MTMR2: variants seen among roughly 807,000 people sequenced by gnomAD.
MTMR2 encodes phosphatidylinositol-3,5-bisphosphate 3-phosphatase MTMR2.
In MTMR2, 55 loss-of-function variants were observed where a neutral mutation model predicts 86.9. That is an observed-to-expected ratio of 0.63 (90% CI 0.51 to 0.79). The LOEUF (loss-of-function observed/expected upper bound fraction) is 0.79. Ranked by LOEUF, MTMR2 falls within the 30% of genes least tolerant of loss-of-function variation. The probability of loss-of-function intolerance (pLI) is 0.00; values close to 1 mark genes in which losing one functional copy is unlikely to be tolerated. For missense variants in MTMR2, 659 were observed against 772.3 expected (o/e 0.85, Z 1.74); for synonymous variants, 241 against 266.8 (o/e 0.90, Z 0.94).
At position 95,835,412 on chromosome 11, in the gene MTMR2, G is replaced by T. The variant is rs138746296; in HGVS notation, c.1810C>A (p.Arg604=). ...TCTACTTTTTTCTGAAGCTCTGCTC[G>T]TTTAGCAAGAAGTTCTTTGTATCTG... ...HNRYKELLAK[R]AELQKKVEEL... Residue 604 remains arginine, a synonymous_variant, in exon 15 of 15, where the codon CGA becomes AGA. Transcript: ENST00000346299. 1.1e-5 allele frequency: 18 copies of T among 1,613,084 alleles called. No homozygotes were observed. The African/African-American group carries it at 2.0e-4, about 18-fold the overall frequency.
chr11:95,906,829 T>G (rs1468774439), intron 1 of MTMR2, among the ~76,000 whole-genome samples: 1 of 152,106 alleles, frequency 6.6e-6, no homozygotes, highest in Non-Finnish European at 1.5e-5. Context: ...TTAAAACTAA[T>G]GAGAACAAAG....
At chr11:95,836,375 A>G in intron 13 of MTMR2, 51 bp from the exon 14 acceptor site, 2 of 1,510,866 alleles carry the variant, frequency 1.3e-6, no homozygotes, top group Non-Finnish European at 1.8e-6. Flanking sequence ...AGCCATTTAC[A>G]CTTTAGATGA....
chr11:95,841,538 T>G (rs1248356152), intron 12 of MTMR2, 79 bp downstream of exon 12: 3 of 985,114 alleles, frequency 3.0e-6, no homozygotes, highest in Non-Finnish European at 3.3e-6. Flanking sequence ...ATCTATAGGC[T>G]AATCAGTGAC....
At chr11:95,849,392 T>C (rs779921277) in intron 9 of MTMR2, among the ~76,000 whole-genome samples, 1 of 152,186 alleles carries the variant, frequency 6.6e-6, no homozygotes, top group Non-Finnish European at 1.5e-5. Context: ...CACCTAGTTA[T>C]TATGTAAGTA....
At chr11:95,861,868 A>C in intron 5 of MTMR2, 124 bp downstream of exon 5, 1 of 791,590 alleles carries the variant, frequency 1.3e-6, no homozygotes, top group Non-Finnish European at 2.1e-6. Flanking sequence ...TCAATGTCAT[A>C]CTAAAATAAC....
chr11:95,897,924 C>G (rs1251418077), intron 1 of MTMR2, among the ~76,000 whole-genome samples: 1 of 152,140 alleles, frequency 6.6e-6, no homozygotes, highest in Non-Finnish European at 1.5e-5. Flanking sequence ...AACTTTGTGA[C>G]CTCGGCACAC....
intron 9 of MTMR2, 48 bp from the exon 10 acceptor site, chr11:95,847,947 G>C: frequency 4.6e-6 from 7 of 1,507,692 alleles, no homozygotes; most frequent in Non-Finnish European, 6.4e-6. Flanking sequence ...ATGCACATCT[G>C]TAAACAAGTG....
intron 2 of MTMR2, among the ~76,000 whole-genome samples, chr11:95,875,184 A>G (rs527733493): frequency 1.7e-3 from 266 of 152,334 alleles, no homozygotes; most frequent in Middle Eastern, 0.014. Context: ...AATATCCTGC[A>G]GAATGTTTTC....
chr11:95,922,481 C>T (rs1027678372), intron 1 of MTMR2, among the ~76,000 whole-genome samples: 28 of 151,878 alleles, frequency 1.8e-4, no homozygotes, highest in African/African-American at 5.1e-4. Context: ...TCAAAAAATA[C>T]TTGATTCAAA....
In MTMR2 at chr11:95,849,709, C is replaced by G; in HGVS notation, c.958G>C (p.Asp320His). 1 of 1,614,014 alleles carries G rather than the reference C, an allele frequency of 6.2e-7. No homozygotes were observed. The highest frequency in any genetic ancestry group is 1.3e-5 in the African/African-American group (1 of 75,002). ...NAQSHKIFIFDARPSVNAVAN... is the reference protein window; with the variant it reads ...NAQSHKIFIFHARPSVNAVAN... ...ACAGCATTAACACTTGGCCGGGCATCAAATATAAAGATTTTGTGAGACTGG... is the reference window on the plus strand; with the variant it reads ...ACAGCATTAACACTTGGCCGGGCATGAAATATAAAGATTTTGTGAGACTGG... The change falls in exon 9 of 15, where the codon GAT becomes CAT. Residue 320 changes from aspartate to histidine, a missense_variant. Around this residue, in one of 3 missense-constraint regions of MTMR2, gnomAD observed 387 missense variants for 526.3 expected, o/e 0.74. Coordinates refer to ENST00000346299, the MANE Select transcript of MTMR2 (RefSeq NM_016156.6).
intron 13 of MTMR2, among the ~76,000 whole-genome samples, chr11:95,837,735 AATATAC>A (rs1366833327): frequency 6.6e-6 from 1 of 152,084 alleles, no homozygotes; most frequent in African/African-American, 2.4e-5. Context: ...TATTCACTCG[AATATAC>A]ATTTTCTGCT....
intron 2 of MTMR2, chr11:95,882,323 C>T (rs1326242202): frequency 6.6e-6 from 1 of 152,002 alleles, no homozygotes; most frequent in Non-Finnish European, 1.5e-5. Flanking sequence ...CACGGTGAAA[C>T]CCCGTCTCTA....
At chr11:95,847,045 A>G (rs1349588341) in intron 10 of MTMR2, among the ~76,000 whole-genome samples, 7 of 152,128 alleles carry the variant, frequency 4.6e-5, no homozygotes, top group Non-Finnish European at 1.0e-4. Flanking sequence ...CATTTTGGTG[A>G]GTTATGTTAC....
Position 95,893,636 on chromosome 11 carries a change from C to G in MTMR2, c.81-5375G>C, listed in dbSNP as rs574660426. On this transcript the variant is annotated intron_variant, in intron 1 of 14. Coordinates refer to ENST00000346299, the MANE Select transcript of MTMR2 (RefSeq NM_016156.6). ...TCAAACTGGGGCCACTTAGGACTTA[C>G]GATTAGAAACATCAGCTAGGCCCAA... 1.0e-3 allele frequency among the ~76,000 whole-genome samples: 153 copies of G among 152,208 alleles called. 1 individual carries two copies. Among genetic ancestry groups the G allele is most frequent in the African/African-American group, 3.5e-3 (147 of 41,548 alleles).
intron 7 of MTMR2, among the ~76,000 whole-genome samples, chr11:95,853,044 A>AATAT (rs72159501): frequency 1.4e-5 from 2 of 145,280 alleles, no homozygotes; most frequent in Non-Finnish European, 3.0e-5. Flanking sequence ...ATTTATATAT[A>AATAT]ATATATATAT....
intron 13 of MTMR2, among the ~76,000 whole-genome samples, chr11:95,837,255 A>T (rs1863326336): frequency 6.6e-6 from 1 of 152,044 alleles, no homozygotes; most frequent in South Asian, 2.1e-4. Context: ...TTGCTTATTT[A>T]ATAATCTTCA....
intron 2 of MTMR2, among the ~76,000 whole-genome samples, chr11:95,867,962 T>A (rs1864680101): frequency 6.6e-6 from 1 of 152,066 alleles, no homozygotes; most frequent in South Asian, 2.1e-4. Context: ...ATAAGCCATA[T>A]TTTCTAATAA....
intron 2 of MTMR2, among the ~76,000 whole-genome samples, chr11:95,876,226 C>T (rs1471285756): frequency 6.6e-6 from 1 of 152,226 alleles, no homozygotes; most frequent in Non-Finnish European, 1.5e-5. Flanking sequence ...GGCAGGCCTC[C>T]TTGAGCTGCG....
rs199681744 is a variant in MTMR2 at position 95,841,904 on chromosome 11, T to C, written c.1387-195A>G. Among the ~76,000 whole-genome samples the C allele has an allele frequency of 2.2e-4, 33 of 152,276 alleles. No individual in the cohort carries two copies. In the East Asian group the frequency reaches 6.2e-3, roughly 28 times the overall value. ...TGGAGCCAGGAATTCGAGATGGGTC[T>C]GGGCAACATAGCAAGACCCCATCTC... is the stretch of plus-strand genomic sequence containing the variant. On this transcript the variant is annotated intron_variant, in intron 11 of 14. Coordinates refer to ENST00000346299, the MANE Select transcript of MTMR2 (RefSeq NM_016156.6).
Sources: gnomAD v4.1 joint callset for allele counts (sites outside exome capture counted in the v4.1 genomes callset) on GRCh38, gnomAD v4.1.1 for gene constraint, gnomAD v4.1.1 regional missense constraint, MANE v1.5 for transcripts, NCBI Gene and HGNC (gene_info 2026-07-23, HGNC 2026-07-21) for gene names.